The following SNX24 variants were observed in gnomAD, a reference collection of about 807,000 sequenced individuals.
The protein encoded by SNX24 is sorting nexin-24.
SNX24 carries 22 observed loss-of-function variants against 28.7 expected under a neutral mutation model. The observed-to-expected ratio is 0.77, with a 90% CI of 0.55 to 1.10. The LOEUF is 1.10. Among genes scored for constraint, SNX24 ranks in the 50% least tolerant of loss-of-function variants. SNX24 has a pLI of 0.00. For missense variants in SNX24, 221 were observed against 201.1 expected (o/e 1.10, Z -0.60); for synonymous variants, 69 against 71.5 (o/e 0.96, Z 0.18).
At chr5:122,957,658 A>G (rs541970026) in intron 3 of SNX24, among the ~76,000 whole-genome samples, 28 of 152,344 alleles carry the variant, frequency 1.8e-4, no homozygotes, top group African/African-American at 6.3e-4. Flanking sequence ...ATCCATGAAC[A>G]TGGGATATCT....
At chr5:122,895,055 G>T (rs1757143070) in intron 1 of SNX24, among the ~76,000 whole-genome samples, 1 of 150,220 alleles carries the variant, frequency 6.7e-6, no homozygotes, top group Admixed American at 6.6e-5. Flanking sequence ...GTAAAATATA[G>T]GTTGGGGAAA....
chr5:122,856,585 C>T (rs924653166), intron 1 of SNX24, among the ~76,000 whole-genome samples: 7 of 149,766 alleles, frequency 4.7e-5, no homozygotes, highest in Admixed American at 1.3e-4. Flanking sequence ...GTGCCATCTC[C>T]GCTTACTGCA....
intron 3 of SNX24, among the ~76,000 whole-genome samples, chr5:122,952,973 G>A (rs1373410532): frequency 1.3e-5 from 2 of 152,150 alleles, no homozygotes; most frequent in African/African-American, 4.8e-5. Flanking sequence ...GGGATGGGAG[G>A]TACAATACAC....
intron 5 of SNX24, among the ~76,000 whole-genome samples, chr5:123,020,105 AGC>A (rs1762741458): frequency 6.6e-6 from 1 of 152,272 alleles, no homozygotes; most frequent in Non-Finnish European, 1.5e-5. Context: ...TATCGCGTAA[AGC>A]GCATGTCCTT....
chr5:122,980,589 C>T (rs2150155940), intron 3 of SNX24, among the ~76,000 whole-genome samples: 1 of 151,822 alleles, frequency 6.6e-6, no homozygotes, highest in South Asian at 2.1e-4. Context: ...ACTAATTTCT[C>T]AAGGTTTTCA....
intron 1 of SNX24, among the ~76,000 whole-genome samples, chr5:122,913,957 A>G (rs1758042287): frequency 6.6e-6 from 1 of 152,192 alleles, no homozygotes; most frequent in South Asian, 2.1e-4. Flanking sequence ...AAAAATTACT[A>G]AAACCAGTCA....
chr5:122,895,523 A>G (rs1056786127), intron 1 of SNX24, among the ~76,000 whole-genome samples: 1 of 152,154 alleles, frequency 6.6e-6, no homozygotes, highest in Non-Finnish European at 1.5e-5. Context: ...GCAGAGGCAC[A>G]TCGGCACTGT....
intron 1 of SNX24, among the ~76,000 whole-genome samples, chr5:122,850,712 C>T (rs890205323): frequency 6.7e-6 from 1 of 149,620 alleles, no homozygotes; most frequent in Non-Finnish European, 1.5e-5. Context: ...ATGGGTATAG[C>T]TATTTGATTT....
At chr5:123,025,976 A>C (rs1561748454) in intron 5 of SNX24, 1 of 1,580,438 alleles carries the variant, frequency 6.3e-7, no homozygotes. Context: ...CACCTGAGAC[A>C]AAACAAGGAA....
At position 123,007,904 on chromosome 5, in the gene SNX24, C is replaced by T. The variant is rs1047410518; in HGVS notation, c.*155C>T. The stretch of plus-strand genomic sequence containing the variant: ...GCTTAATTCAGGGCAGGGACATTTC[C>T]ATTAGAATGGTGCTCTTAAAAATAG... On this transcript the variant is annotated 3_prime_UTR_variant, in exon 7 of 7. Transcript: ENST00000261369. 3.5e-6 allele frequency: 5 copies of T among 1,438,178 alleles called. No individual in the cohort carries two copies. In the African/African-American group the frequency reaches 7.3e-5, roughly 21 times the overall value. The allele number at this position is 1,438,178 out of a possible 1,614,324, so 89.1% of individuals were successfully genotyped here. A position where few individuals can be genotyped will look rare whatever the true frequency, so the allele number is the denominator to read the frequency against.
At chr5:122,922,634 A>G (rs774040247) in intron 1 of SNX24, among the ~76,000 whole-genome samples, 26 of 152,070 alleles carry the variant, frequency 1.7e-4, no homozygotes, top group Admixed American at 3.3e-4. Context: ...GTATAACTTC[A>G]TATTCTGCAG....
At chr5:122,854,529 A>AAAAAAAAAAAC (rs1755091169) in intron 1 of SNX24, among the ~76,000 whole-genome samples, 1 of 124,604 alleles carries the variant, frequency 8.0e-6, no homozygotes, top group African/African-American at 3.4e-5. Flanking sequence ...AAAAAAAAAC[A>AAAAAAAAAAAC]AAAAAAAAAA....
chr5:122,845,619 C>G lies in SNX24; in HGVS notation c.-15C>G. 1.4e-6 allele frequency: 2 copies of G among 1,385,508 alleles called. No homozygotes were observed. Among genetic ancestry groups the G allele is most frequent in the Non-Finnish European group, 1.9e-6 (2 of 1,060,826 alleles). The allele number at this position is 1,385,508 out of a possible 1,614,324, so 85.8% of individuals were successfully genotyped here. ...CTGCCCCCAACTCGCCCTCAGCCGG[C>G]TGGCCGGCGCGGCCATGGAGGTCTA... On this transcript the variant is annotated 5_prime_UTR_variant, in exon 1 of 7. Coordinates refer to ENST00000261369, the MANE Select transcript of SNX24 (RefSeq NM_014035.4).
chr5:122,856,779 G>A (rs766680245), intron 1 of SNX24, among the ~76,000 whole-genome samples: 1 of 152,082 alleles, frequency 6.6e-6, no homozygotes, highest in Non-Finnish European at 1.5e-5. Context: ...GCCTCCCAAA[G>A]TGCTGGGAAT....
chr5:122,970,344 A>G (rs1336069396), intron 3 of SNX24, among the ~76,000 whole-genome samples: 1 of 151,560 alleles, frequency 6.6e-6, no homozygotes, highest in Admixed American at 6.6e-5. Context: ...AATGCGGCAT[A>G]CTCTTGCTTG....
intron 1 of SNX24, among the ~76,000 whole-genome samples, chr5:122,878,302 G>A (rs1756322031): frequency 6.6e-6 from 1 of 152,122 alleles, no homozygotes; most frequent in Non-Finnish European, 1.5e-5. Flanking sequence ...GGCGGTTCTA[G>A]AGAGGGCAGA....
chr5:122,936,627 A>T, intron 1 of SNX24, 107 bp from the exon 2 acceptor site: 1 of 601,616 alleles, frequency 1.7e-6, no homozygotes, highest in Non-Finnish European at 2.9e-6. Flanking sequence ...TTGGGGGATC[A>T]GCTACTGTAA....
At chr5:122,854,528 C>A (rs72796837) in intron 1 of SNX24, among the ~76,000 whole-genome samples, 275 of 99,278 alleles carry the variant, frequency 2.8e-3, no homozygotes, top group African/African-American at 6.9e-3. Context: ...AAAAAAAAAA[C>A]AAAAAAAAAA....
chr5:122,893,017 C>T (rs1757041757), intron 1 of SNX24, among the ~76,000 whole-genome samples: 1 of 151,996 alleles, frequency 6.6e-6, no homozygotes, highest in Non-Finnish European at 1.5e-5. Flanking sequence ...CCACCCACCT[C>T]GGCCTCCCAA....
Sources: gnomAD v4.1 joint callset for allele counts (sites outside exome capture counted in the v4.1 genomes callset) on GRCh38, gnomAD v4.1.1 for gene constraint, MANE v1.5 for transcripts, NCBI Gene and HGNC (gene_info 2026-07-23, HGNC 2026-07-21) for gene names.